The following DCLK1 variants were observed in gnomAD, a reference collection of about 807,000 sequenced individuals.
DCLK1 encodes the protein doublecortin like kinase 1, also known as serine/threonine-protein kinase DCLK1.
In DCLK1, 16 loss-of-function variants were observed where a neutral mutation model predicts 86.2. The observed-to-expected ratio is 0.19, with a 90% CI of 0.13 to 0.28. The LOEUF (loss-of-function observed/expected upper bound fraction) is 0.28. DCLK1 is among the 10% of genes least tolerant of loss of function. DCLK1 has a pLI of 1.00. For synonymous variants in DCLK1, 369 were observed against 370.5 expected (o/e 1.00, Z 0.05); for missense variants, 590 against 940.2 (o/e 0.63, Z 4.87).
At chr13:36,115,552 T>C (rs1167397153) in intron 2 of DCLK1, among the ~76,000 whole-genome samples, 1 of 152,084 alleles carries the variant, frequency 6.6e-6, no homozygotes, top group African/African-American at 2.4e-5. Flanking sequence ...TTTCAGTTTG[T>C]TCAAGCCCTA....
chr13:35,820,388 AGAAAG>A (rs1211239673), intron 11 of DCLK1, among the ~76,000 whole-genome samples: 1 of 152,212 alleles, frequency 6.6e-6, no homozygotes, highest in Non-Finnish European at 1.5e-5. Flanking sequence ...GAAGGGAAAA[AGAAAG>A]GAGAGAACAT....
At chr13:35,836,216 A>G (rs1593644217) in intron 7 of DCLK1, 75 bp from the exon 8 acceptor site, 1 of 1,258,828 alleles carries the variant, frequency 7.9e-7, no homozygotes, top group East Asian at 2.3e-5. Context: ...ATTTAAAAGT[A>G]TCATCTAATT....
intron 3 of DCLK1, among the ~76,000 whole-genome samples, chr13:36,014,303 G>C (rs1881441303): frequency 6.6e-6 from 1 of 152,192 alleles, no homozygotes; most frequent in Admixed American, 6.5e-5. Flanking sequence ...ACGTGAACAG[G>C]CTTAATTCTT....
At chr13:35,844,309 G>A (rs192801187) in intron 6 of DCLK1, among the ~76,000 whole-genome samples, 11 of 152,290 alleles carry the variant, frequency 7.2e-5, no homozygotes, top group Non-Finnish European at 1.2e-4. Context: ...GAGAAAACGC[G>A]AATGGAAACA....
intron 11 of DCLK1, among the ~76,000 whole-genome samples, chr13:35,815,987 G>A (rs1333285095): frequency 6.6e-6 from 1 of 152,112 alleles, no homozygotes; most frequent in Admixed American, 6.6e-5. Flanking sequence ...TGGGAAGATG[G>A]AGAAGTGAAC....
At chr13:35,793,907 C>T (rs1816564943) in intron 15 of DCLK1, among the ~76,000 whole-genome samples, 1 of 152,154 alleles carries the variant, frequency 6.6e-6, no homozygotes, top group East Asian at 1.9e-4. Context: ...TCTTGGATGG[C>T]AAGCTTGGGC....
At chr13:36,107,508 T>G (rs561352029) in intron 3 of DCLK1, among the ~76,000 whole-genome samples, 1 of 152,248 alleles carries the variant, frequency 6.6e-6, no homozygotes, top group East Asian at 1.9e-4. Flanking sequence ...TTCTCTTCAC[T>G]AAAGCATGCT....
intron 3 of DCLK1, among the ~76,000 whole-genome samples, chr13:35,967,486 AATTCTTC>A (rs1230070351): frequency 6.6e-6 from 1 of 152,212 alleles, no homozygotes; most frequent in African/African-American, 2.4e-5. Context: ...TACTAAGAAA[AATTCTTC>A]TGCCTTGGGA....
chr13:35,878,286 T>A (rs1872697512), intron 4 of DCLK1, among the ~76,000 whole-genome samples: 2 of 152,200 alleles, frequency 1.3e-5, no homozygotes, highest in Middle Eastern at 3.2e-3. Context: ...AATCCACATG[T>A]AGGCTTCTTG....
intron 3 of DCLK1, among the ~76,000 whole-genome samples, chr13:36,098,607 C>T (rs970514425): frequency 6.6e-6 from 1 of 152,210 alleles, no homozygotes; most frequent in Non-Finnish European, 1.5e-5. Context: ...TGCCAATCCT[C>T]AAAATAGATC....
At chr13:35,950,810 T>C (rs1877626800) in intron 3 of DCLK1, among the ~76,000 whole-genome samples, 1 of 152,128 alleles carries the variant, frequency 6.6e-6, no homozygotes, top group Admixed American at 6.6e-5. Context: ...CCAGGAGAGT[T>C]GATGTTGTCA....
chr13:36,066,926 G>A (rs920139058), intron 3 of DCLK1, among the ~76,000 whole-genome samples: 3 of 149,770 alleles, frequency 2.0e-5, no homozygotes, highest in African/African-American at 7.4e-5. Context: ...TGGAGAGGAT[G>A]TGGAGAAATA....
chr13:35,854,588 C>A lies in DCLK1; in HGVS notation c.946G>T (p.Gly316Ter). The A allele has an allele frequency of 6.3e-7, 1 of 1,589,190 alleles. No individual in the cohort carries two copies. Among genetic ancestry groups the A allele is most frequent in the Non-Finnish European group, 8.6e-7 (1 of 1,165,982 alleles). ...KSPASTSSVN[G>*]TPGSQLSTPR... ...GTAGAGAGCTGACTACCAGGGGTTC[C>A]ATTAACTAGAAATACAAAGAATCAC... is the stretch of plus-strand genomic sequence containing the variant. The change falls in exon 6 of 17, where the codon GGA (glycine) becomes TGA (stop). Residue 316 changes from glycine (G) to a stop codon, truncating the protein, a stop_gained. Transcript: ENST00000360631. LOFTEE classifies it high-confidence loss of function.
intron 2 of DCLK1, among the ~76,000 whole-genome samples, chr13:36,113,777 A>G (rs746356140): frequency 4.6e-5 from 7 of 152,194 alleles, no homozygotes; most frequent in Non-Finnish European, 7.3e-5. Flanking sequence ...CTCAAATACA[A>G]ACCTGCTATG....
At position 36,111,894 on chromosome 13, in the gene DCLK1, C is replaced by T. The variant is rs1237880518; in HGVS notation, c.698G>A (p.Arg233His). 2 of 1,613,746 alleles carry T rather than the reference C, an allele frequency of 1.2e-6. No individual in the cohort carries two copies. Among genetic ancestry groups the T allele is most frequent in the Non-Finnish European group, 8.5e-7 (1 of 1,179,880 alleles). The change falls in exon 3 of 17, where the codon CGC becomes CAC. Residue 233 changes from arginine to histidine, a missense_variant. Arg to His is a conservative substitution (Grantham distance 29). Transcript: ENST00000360631. ...CTGTTTCCCATCCAACGTGTACAGG[C>T]GTTTCACCACTCCCGAGTCCAGCTT... ...AIKLDSGVVK[R>H]LYTLDGKQVM...
chr13:35,873,395 T>C (rs971782944), intron 4 of DCLK1, among the ~76,000 whole-genome samples: 15 of 152,132 alleles, frequency 9.9e-5, no homozygotes, highest in Non-Finnish European at 1.3e-4. Context: ...CTTTTTTTTT[T>C]CCCCTCAAGA....
chr13:35,838,563 C>G (rs575679355), intron 7 of DCLK1, among the ~76,000 whole-genome samples: 1 of 152,264 alleles, frequency 6.6e-6, no homozygotes, highest in South Asian at 2.1e-4. Context: ...TTCTGGAATC[C>G]TGATCATTTG....
chr13:36,034,613 A>G (rs1350834039), intron 3 of DCLK1, among the ~76,000 whole-genome samples: 1 of 152,212 alleles, frequency 6.6e-6, no homozygotes, highest in Non-Finnish European at 1.5e-5. Flanking sequence ...ACAAATATGA[A>G]TAAGTAGGAA....
chr13:35,988,305 C>T (rs372515690), intron 3 of DCLK1, among the ~76,000 whole-genome samples: 16 of 152,242 alleles, frequency 1.1e-4, no homozygotes, highest in East Asian at 5.8e-4. Flanking sequence ...GGCGACACCG[C>T]GGCCTGATGC....
Sources: gnomAD v4.1 joint callset for allele counts (sites outside exome capture counted in the v4.1 genomes callset) on GRCh38, gnomAD v4.1.1 for gene constraint, MANE v1.5 for transcripts, NCBI Gene and HGNC (gene_info 2026-07-23, HGNC 2026-07-21) for gene names.